CLVS1: variants seen among roughly 807,000 people sequenced by gnomAD.
CLVS1 encodes the protein clavesin 1, also known as clavesin-1.
Under a neutral mutation model 33.1 loss-of-function variants are expected in CLVS1, and 10 were observed. The ratio of observed to expected loss-of-function variants is 0.30; its 90% CI spans 0.19 to 0.51. CLVS1 has a LOEUF of 0.51. Ranked by LOEUF, CLVS1 falls within the 20% of genes least tolerant of loss-of-function variation. CLVS1 has a pLI of 0.97. For synonymous variants in CLVS1, 163 were observed against 166.1 expected, an observed-to-expected ratio of 0.98 and a Z score of 0.14; for missense variants, 343 against 433.4, an observed-to-expected ratio of 0.79 and a Z score of 1.85.
At chr8:61,367,255 A>G (rs888117283) in intron 2 of CLVS1, among the ~76,000 whole-genome samples, 3 of 152,172 alleles carry the variant, frequency 2.0e-5, no homozygotes, top group African/African-American at 7.2e-5. Flanking sequence ...AACAGTCAGC[A>G]GTTCTCCCAC....
At chr8:61,464,948 G>A (rs1817495719) in intron 5 of CLVS1, 1 of 152,256 alleles carries the variant, frequency 6.6e-6, no homozygotes, top group African/African-American at 2.4e-5. Flanking sequence ...CCACATGGAT[G>A]TGCAAAAATT....
chr8:61,224,598 C>T (rs747250721), intron 2 of CLVS1, among the ~76,000 whole-genome samples: 21 of 152,314 alleles, frequency 1.4e-4, no homozygotes, highest in Non-Finnish European at 2.1e-4. Context: ...CCAGTAGGAT[C>T]GTTCCTGTAT....
chr8:61,242,160 T>A (rs1196869915), intron 2 of CLVS1, among the ~76,000 whole-genome samples: 11 of 152,214 alleles, frequency 7.2e-5, no homozygotes, highest in Admixed American at 5.2e-4. Flanking sequence ...TAAGGCTTGC[T>A]GAGCTTCTTG....
intron 3 of CLVS1, among the ~76,000 whole-genome samples, chr8:61,442,661 G>A (rs542468563): frequency 3.9e-5 from 6 of 152,038 alleles, no homozygotes; most frequent in South Asian, 2.1e-4. Context: ...GTGCAGTGGC[G>A]CGATCTTGGC....
At chr8:61,457,747 A>C (rs889012410) in intron 4 of CLVS1, among the ~76,000 whole-genome samples, 3 of 152,222 alleles carry the variant, frequency 2.0e-5, no homozygotes, top group African/African-American at 4.8e-5. Context: ...ACAAGACGTA[A>C]ATGAACATAT....
At chr8:61,486,326 T>C (rs1803882103) in intron 5 of CLVS1, among the ~76,000 whole-genome samples, 1 of 152,100 alleles carries the variant, frequency 6.6e-6, no homozygotes, top group Non-Finnish European at 1.5e-5. Flanking sequence ...GAAGAATAAA[T>C]GAAGGAATTA....
chr8:61,049,061 C>T, the CLVS1 span, among the ~76,000 whole-genome samples: 2 of 152,260 alleles, frequency 1.3e-5, no homozygotes, highest in South Asian at 4.1e-4. Context: ...TCAGGGACAC[C>T]TCTTACTTTT....
intron 3 of CLVS1, among the ~76,000 whole-genome samples, chr8:61,410,719 G>A (rs1815186619): frequency 6.6e-6 from 1 of 152,114 alleles, no homozygotes. Flanking sequence ...TTGGCTCACT[G>A]CAGCCTCCGC....
At chr8:61,149,907 A>G (rs747869923) in intron 2 of CLVS1, among the ~76,000 whole-genome samples, 1 of 152,210 alleles carries the variant, frequency 6.6e-6, no homozygotes. Flanking sequence ...TCAACATTCT[A>G]TAACATCAAG....
intron 1 of CLVS1, among the ~76,000 whole-genome samples, chr8:61,110,471 A>G (rs1805606664): frequency 6.6e-6 from 1 of 152,138 alleles, no homozygotes; most frequent in South Asian, 2.1e-4. Flanking sequence ...CCCCTTTCCT[A>G]TGATTAAGAC....
rs1563389429 is a variant in CLVS1 at position 61,064,536 on chromosome 8, C to CTTTTTTTTTTTTTTTTTTT, written c.-243+7306_-243+7307insTTTTTTTTTTTTTTTTTTT. 1.4e-5 allele frequency among the ~76,000 whole-genome samples: 2 copies of CTTTTTTTTTTTTTTTTTTT among 141,444 alleles called. 1 individual carries two copies. The allele number at this position is 141,444 out of a possible 152,430, so 92.8% of individuals were successfully genotyped here. ...GAAATGTCTATTCAAGTTCTTTGCC[C>CTTTTTTTTTTTTTTTTTTT]ATTTTTTTTTTTTTTTTTTTTGAGA... On this transcript the variant is annotated intron_variant, in intron 1 of 2. Coordinates refer to the CLVS1 transcript ENST00000522621.
rs1307884612 is a variant in CLVS1, at chr8:61,500,191, CATG to C, written c.*651_*653del. The C allele has an allele frequency of 6.6e-6, 1 of 152,482 alleles. No homozygotes were observed. Among genetic ancestry groups the C allele is most frequent in the African/African-American group, 2.4e-5 (1 of 41,424 alleles). The allele number at this position is 152,482 out of a possible 1,614,324, so 9.4% of individuals were successfully genotyped here. On this transcript the variant is annotated 3_prime_UTR_variant, in exon 6 of 6. Coordinates refer to ENST00000325897, the MANE Select transcript of CLVS1 (RefSeq NM_173519.3). ...TCTTGTCAGGTCACTAGCTGACTGT[CATG>C]AGCTGACGTTAAAGGAAGACACATG...
chr8:61,050,042 G>T, the CLVS1 span, among the ~76,000 whole-genome samples: 2 of 152,198 alleles, frequency 1.3e-5, no homozygotes, highest in Non-Finnish European at 2.9e-5. Flanking sequence ...TGCTGAATGC[G>T]CACTGGACTT....
intron 2 of CLVS1, among the ~76,000 whole-genome samples, chr8:61,137,445 G>GGATAATAC (rs1460636683): frequency 6.6e-6 from 1 of 152,106 alleles, no homozygotes; most frequent in Non-Finnish European, 1.5e-5. Context: ...TAGAAAATGG[G>GGATAATAC]GATAATACTT....
chr8:61,318,675 A>G (rs1230785118), intron 2 of CLVS1, among the ~76,000 whole-genome samples: 1 of 152,152 alleles, frequency 6.6e-6, no homozygotes, highest in Admixed American at 6.5e-5. Flanking sequence ...GTCTTCCAGT[A>G]CAGCATTTGG....
At chr8:61,232,311 C>G (rs2129312307) in intron 2 of CLVS1, among the ~76,000 whole-genome samples, 1 of 152,192 alleles carries the variant, frequency 6.6e-6, no homozygotes, top group Admixed American at 6.5e-5. Flanking sequence ...GCTGGTATTA[C>G]AGGCGTGAGC....
chr8:61,032,421 A>G, the CLVS1 span, among the ~76,000 whole-genome samples: 1 of 152,216 alleles, frequency 6.6e-6, no homozygotes, highest in Admixed American at 6.5e-5. Flanking sequence ...CTTGCCTTTG[A>G]TAATCTCTGT....
chr8:61,241,911 G>A (rs986970755), intron 2 of CLVS1, among the ~76,000 whole-genome samples: 2 of 151,610 alleles, frequency 1.3e-5, no homozygotes, highest in South Asian at 4.2e-4. Context: ...ATTTTCACTG[G>A]GTATAGATTT....
the CLVS1 span, among the ~76,000 whole-genome samples, chr8:61,037,973 TGAG>T: frequency 6.6e-6 from 1 of 152,048 alleles, no homozygotes; most frequent in African/African-American, 2.4e-5. Flanking sequence ...GGCCTGAGGA[TGAG>T]AAGAAACCAG....
Sources: allele counts gnomAD v4.1 joint callset (sites outside exome capture counted in the v4.1 genomes callset), GRCh38; gene constraint gnomAD v4.1.1; transcripts MANE v1.5; gene names NCBI Gene and HGNC (gene_info 2026-07-23, HGNC 2026-07-21).